EDA: variants seen among roughly 807,000 people sequenced by gnomAD.
EDA encodes ectodysplasin A.
Under a neutral mutation model 23.6 loss-of-function variants are expected in EDA, and 2 were observed. The ratio of observed to expected loss-of-function variants is 0.08; its 90% CI spans 0.03 to 0.27. The LOEUF (loss-of-function observed/expected upper bound fraction) is 0.27, where lower values mean the gene tolerates loss of function less well. Ranked by LOEUF, EDA falls within the 10% of genes least tolerant of loss-of-function variation. EDA has a pLI of 1.00. For missense variants in EDA, 229 were observed against 324.2 expected, an observed-to-expected ratio of 0.71 and a Z score of 2.26; for synonymous variants, 131 against 132.0, an observed-to-expected ratio of 0.99 and a Z score of 0.05.
chrX:69,670,681 A>G (rs970433700), intron 1 of EDA, among the ~76,000 whole-genome samples: 1 of 107,775 alleles, frequency 9.3e-6, no homozygotes, highest in African/African-American at 3.4e-5. Flanking sequence ...TGTTTGATCT[A>G]GTCTGCTATT....
intron 1 of EDA, among the ~76,000 whole-genome samples, chrX:69,693,945 T>C (rs957172377): frequency 8.9e-6 from 1 of 112,223 alleles, no homozygotes; most frequent in Non-Finnish European, 1.9e-5. Context: ...CTGTAAATGT[T>C]CAAATGGACC....
At chrX:69,734,552 A>G (rs769328253) in intron 1 of EDA, among the ~76,000 whole-genome samples, 3 of 111,790 alleles carry the variant, frequency 2.7e-5, no homozygotes, top group African/African-American at 9.7e-5. Context: ...CTATTCTGAT[A>G]TAAGCATTTG....
chrX:70,028,094 G>A, intron 4 of EDA, 58 bp downstream of exon 4: 1 of 1,172,769 alleles, frequency 8.5e-7, no homozygotes, highest in African/African-American at 1.8e-5. Flanking sequence ...TAGGAGAGCA[G>A]GAGTGGGTGA....
chrX:69,712,511 A>G (rs1041009404), intron 1 of EDA, among the ~76,000 whole-genome samples: 2 of 111,562 alleles, frequency 1.8e-5, no homozygotes, highest in African/African-American at 6.5e-5. Flanking sequence ...CCACAATGAG[A>G]TACCATCTCA....
At chrX:69,933,193 T>C (rs1277541608) in intron 1 of EDA, among the ~76,000 whole-genome samples, 1 of 112,049 alleles carries the variant, frequency 8.9e-6, no homozygotes, top group African/African-American at 3.2e-5. Flanking sequence ...CTTTTATATA[T>C]TGGTTATTTC....
intron 1 of EDA, among the ~76,000 whole-genome samples, chrX:69,851,797 A>G (rs1009332091): frequency 2.1e-4 from 23 of 111,724 alleles, no homozygotes; most frequent in Non-Finnish European, 3.2e-4. Context: ...TGTCATCCCT[A>G]TCATCTGGAA....
chrX:69,907,109 G>C (rs963209151), intron 1 of EDA, among the ~76,000 whole-genome samples: 1 of 111,876 alleles, frequency 8.9e-6, no homozygotes, highest in Admixed American at 9.5e-5. Context: ...AAGTGCTGCT[G>C]ATGGTTCCAC....
intron 1 of EDA, among the ~76,000 whole-genome samples, chrX:69,772,197 C>T (rs907248552): frequency 8.1e-5 from 9 of 111,594 alleles, no homozygotes; most frequent in African/African-American, 2.9e-4. Context: ...TGGGCTGAAG[C>T]AATCCTCTCA....
chrX:69,710,465 A>G (rs962706624), intron 1 of EDA, among the ~76,000 whole-genome samples: 1 of 111,449 alleles, frequency 9.0e-6, no homozygotes. Context: ...CGTAGGATTG[A>G]CTTGGCAATG....
rs1388142537 is a variant in EDA, at chrX:69,803,258, G to GT, written c.397-153767dup. On this transcript the variant is annotated intron_variant, in intron 1 of 7. Coordinates refer to ENST00000374552, the MANE Select transcript of EDA (RefSeq NM_001399.5). Reference sequence around the variant, plus strand: ...TTTCAAAGCTTGCTTTAGAAAAATGGTTGACATAACATGCATGATACCTAA... The same window carrying GT: ...TTTCAAAGCTTGCTTTAGAAAAATGGTTTGACATAACATGCATGATACCTAA... Among the ~76,000 whole-genome samples the GT allele has an allele frequency of 4.5e-5, 5 of 110,638 alleles. No individual in the cohort carries two copies. The East Asian group carries it at 1.5e-3, about 33-fold the overall frequency.
At chrX:69,836,608 G>A (rs908105665) in intron 1 of EDA, among the ~76,000 whole-genome samples, 7 of 112,010 alleles carry the variant, frequency 6.2e-5, no homozygotes, top group Admixed American at 1.9e-4. Context: ...GTATTTGGGC[G>A]GGAGTGTCCC....
intron 1 of EDA, among the ~76,000 whole-genome samples, chrX:69,811,990 C>A (rs1206059616): frequency 9.0e-6 from 1 of 111,306 alleles, no homozygotes; most frequent in African/African-American, 3.3e-5. Flanking sequence ...AAAGCTGTCA[C>A]CAATTATACA....
intron 1 of EDA, among the ~76,000 whole-genome samples, chrX:69,849,940 G>A (rs1384147484): frequency 9.0e-6 from 1 of 111,420 alleles, no homozygotes; most frequent in Non-Finnish European, 1.9e-5. Flanking sequence ...CAGATGTATT[G>A]GGATATGACT....
intron 1 of EDA, among the ~76,000 whole-genome samples, chrX:69,622,590 A>T (rs182860227): frequency 8.0e-5 from 9 of 112,364 alleles, no homozygotes; most frequent in Non-Finnish European, 1.5e-4. Context: ...AATTCTTTAT[A>T]TACTCTGAAT....
chrX:69,635,331 A>G (rs1330791066), intron 1 of EDA, among the ~76,000 whole-genome samples: 3 of 111,586 alleles, frequency 2.7e-5, no homozygotes, highest in Admixed American at 9.6e-5. Context: ...CCTGTATCCC[A>G]TATCTGCTGA....
intron 2 of EDA, among the ~76,000 whole-genome samples, chrX:69,973,045 G>T (rs12384437): frequency 0.088 from 9,788 of 111,622 alleles, 838 homozygotes; most frequent in East Asian, 0.61. Flanking sequence ...CCTAGAGGTT[G>T]TTCTTAATTA....
intron 1 of EDA, among the ~76,000 whole-genome samples, chrX:69,691,206 C>T (rs1231977327): frequency 3.6e-5 from 4 of 111,802 alleles, no homozygotes; most frequent in Non-Finnish European, 7.5e-5. Context: ...GTTGCTTCAT[C>T]TATAAAATGG....
At chrX:69,743,872 G>A (rs1426583496) in intron 1 of EDA, among the ~76,000 whole-genome samples, 1 of 111,611 alleles carries the variant, frequency 9.0e-6, no homozygotes, top group African/African-American at 3.3e-5. Context: ...CTGAATCAAT[G>A]AACTTAAACT....
At chrX:70,028,698 T>C (rs919907817) in intron 4 of EDA, among the ~76,000 whole-genome samples, 1 of 112,830 alleles carries the variant, frequency 8.9e-6, no homozygotes, top group African/African-American at 3.2e-5. Context: ...ATTTCATCCC[T>C]TTGCATCTTT....
Sources: allele counts gnomAD v4.1 joint callset (sites outside exome capture counted in the v4.1 genomes callset), GRCh38; gene constraint gnomAD v4.1.1; transcripts MANE v1.5; gene names NCBI Gene and HGNC (gene_info 2026-07-23, HGNC 2026-07-21).